UBR2: variants seen among roughly 807,000 people sequenced by gnomAD.
UBR2 encodes the protein E3 ubiquitin-protein ligase UBR2.
In UBR2, 92 loss-of-function variants were observed where a neutral mutation model predicts 247.9. That is an observed-to-expected ratio of 0.37 (90% confidence interval 0.31 to 0.44). The LOEUF is 0.44. Among genes scored for constraint, UBR2 ranks in the 20% least tolerant of loss-of-function variants. The pLI, the probability that UBR2 is intolerant of heterozygous loss-of-function variation, is 1.00. For synonymous variants in UBR2, 672 were observed against 693.5 expected (o/e 0.97, Z 0.49); for missense variants, 1,613 against 2,112.6 (o/e 0.76, Z 4.64).
chr6:42,568,716 C>T (rs1229075309), intron 1 of UBR2, among the ~76,000 whole-genome samples: 2 of 151,668 alleles, frequency 1.3e-5, no homozygotes, highest in East Asian at 1.9e-4. Context: ...GGCAACAGAG[C>T]GAGACTCTGT....
At chr6:42,581,189 T>C (rs1184750341) in intron 2 of UBR2, among the ~76,000 whole-genome samples, 2 of 86,450 alleles carry the variant, frequency 2.3e-5, no homozygotes, top group Non-Finnish European at 4.4e-5. Flanking sequence ...ATTTTCTTTT[T>C]CCTTTTTTTT....
rs1260202268 is a variant in UBR2, at chr6:42,637,084, G to A, written c.1748G>A (p.Gly583Asp). The A allele has an allele frequency of 6.2e-7, 1 of 1,613,934 alleles. No homozygotes were observed. Among genetic ancestry groups the A allele is most frequent in the African/African-American group, 1.3e-5 (1 of 74,898 alleles). Residue 583 changes from glycine to aspartate, a missense_variant, in exon 15 of 47, where the codon GGT becomes GAT. Transcript: ENST00000372901. ...LMQCHGGYTDGEQPITLSICG... is the reference protein window; with the variant it reads ...LMQCHGGYTDDEQPITLSICG... ...CAGTGTCATGGTGGTTATACTGATGGTGAACAGCCAATCACACTAAGCATT... is the reference window on the plus strand; with the variant it reads ...CAGTGTCATGGTGGTTATACTGATGATGAACAGCCAATCACACTAAGCATT...
chr6:42,685,956 T>G (rs1052593036), intron 44 of UBR2, among the ~76,000 whole-genome samples: 19 of 152,232 alleles, frequency 1.2e-4, no homozygotes, highest in Admixed American at 2.0e-4. Context: ...CTCTTCTCTG[T>G]TGCCTCTTTC....
chr6:42,616,143 A>G (rs1794532723), intron 10 of UBR2, 53 bp downstream of exon 10: 3 of 1,263,614 alleles, frequency 2.4e-6, no homozygotes, highest in African/African-American at 1.5e-5. Flanking sequence ...AACTATGCCC[A>G]TAATTATATC....
At chr6:42,632,069 AAT>A (rs1554254886) in intron 11 of UBR2, among the ~76,000 whole-genome samples, 3,892 of 113,986 alleles carry the variant, frequency 0.034, 124 homozygotes, top group Admixed American at 0.095. Flanking sequence ...AAAAAAAAAA[AAT>A]ATATATATAT....
chr6:42,666,914 G>C (rs1431272215), intron 34 of UBR2, among the ~76,000 whole-genome samples: 1 of 152,164 alleles, frequency 6.6e-6, no homozygotes, highest in African/African-American at 2.4e-5. Flanking sequence ...CTTGACCTCT[G>C]TGTACCTCAA....
At chr6:42,630,981 A>AT in intron 11 of UBR2, among the ~76,000 whole-genome samples, 1 of 151,678 alleles carries the variant, frequency 6.6e-6, no homozygotes, top group African/African-American at 2.4e-5. Context: ...TAATTGTTTT[A>AT]TTTTTTATAG....
chr6:42,689,022 G>A lies in UBR2; in HGVS notation c.5025-547G>A, dbSNP rs139715732. Reference sequence around the variant, plus strand: ...AAGGCTTCCTAAGAACATGACTTCTGAGTAAAGACCTAAAGAAGTGGGAGA... The same window carrying A: ...AAGGCTTCCTAAGAACATGACTTCTAAGTAAAGACCTAAAGAAGTGGGAGA... On this transcript the variant is annotated intron_variant, in intron 45 of 46. Coordinates refer to ENST00000372901, the MANE Select transcript of UBR2 (RefSeq NM_001363705.2). The surrounding 1 kb of genome is among the most constrained non-coding windows in gnomAD (Gnocchi z 4.0). Among the ~76,000 whole-genome samples, 936 of 152,310 alleles carry A rather than the reference G, an allele frequency of 6.1e-3. 13 individuals carry two copies. Among genetic ancestry groups the A allele is most frequent in the African/African-American group, 0.021 (890 of 41,566 alleles).
chr6:42,690,929 C>T (rs1466734013), intron 46 of UBR2, 103 bp from the exon 47 acceptor site: 3 of 1,461,688 alleles, frequency 2.1e-6, no homozygotes, highest in African/African-American at 1.4e-5. Context: ...TGCAGGGAGT[C>T]TAAAACCAAT....
chr6:42,683,169 A>G (rs1799155691), intron 43 of UBR2, 58 bp downstream of exon 43: 4 of 1,410,312 alleles, frequency 2.8e-6, no homozygotes, highest in Admixed American at 3.6e-5. Flanking sequence ...GAATCAGGAT[A>G]TAAGTGCTAT....
chr6:42,629,669 A>T (rs1317981787), intron 11 of UBR2, among the ~76,000 whole-genome samples: 2 of 152,106 alleles, frequency 1.3e-5, no homozygotes, highest in Admixed American at 1.3e-4. Flanking sequence ...AAAAATATAT[A>T]TAATTTTTTA....
intron 34 of UBR2, among the ~76,000 whole-genome samples, chr6:42,668,118 C>T (rs1336218652): frequency 6.6e-6 from 1 of 152,198 alleles, no homozygotes; most frequent in East Asian, 1.9e-4. Context: ...CTAGGTCCCT[C>T]CTTCCCCTAC....
intron 21 of UBR2, among the ~76,000 whole-genome samples, chr6:42,646,820 TAGAGAGAG>T (rs765967046): frequency 2.7e-4 from 40 of 146,628 alleles, no homozygotes; most frequent in African/African-American, 9.2e-4. Context: ...TATATATATA[TAGAGAGAG>T]AGAGAGAGAG....
rs1562345029 is a variant in UBR2 at position 42,640,392 on chromosome 6, GTGTGTGTGTGT to G, written c.1920+123_1920+133del. 5.7e-3 allele frequency: 309 copies of G among 53,756 alleles called. 4 individuals are homozygous for G. In the East Asian group the frequency reaches 0.32, roughly 55 times the overall value. 3.3% of individuals were successfully genotyped at this position (53,756 alleles called of 1,614,324 possible). On this transcript the variant is annotated intron_variant, in intron 16 of 46. Transcript: ENST00000372901. ...GGAACAGAACCAGTAAGGTGTGTGTGTGTGTGTGTGTGTGTGTGTGTGTGTGTGTGTGTGTG... is the reference window on the plus strand; with the variant it reads ...GGAACAGAACCAGTAAGGTGTGTGTGGTGTGTGTGTGTGTGTGTGTGTGTG...
At position 42,658,226 on chromosome 6, in the gene UBR2, T is replaced by C; in HGVS notation, c.2983-14T>C. 1 of 1,344,402 alleles carries C rather than the reference T, an allele frequency of 7.4e-7. No individual in the cohort carries two copies. Among genetic ancestry groups the C allele is most frequent in the Non-Finnish European group, 1.0e-6 (1 of 976,094 alleles). The allele number at this position is 1,344,402 out of a possible 1,614,324, so 83.3% of individuals were successfully genotyped here. A position where few individuals can be genotyped will look rare whatever the true frequency, so the allele number is the denominator to read the frequency against. ...CATATTTCATACAGGATACTGATACTTTTTTTTTTGTAGACTTTTAATGCT... is the reference window on the plus strand; with the variant it reads ...CATATTTCATACAGGATACTGATACCTTTTTTTTTGTAGACTTTTAATGCT... On this transcript the variant is annotated splice_polypyrimidine_tract_variant and intron_variant, in intron 27 of 46. Transcript: ENST00000372901.
intron 40 of UBR2, 38 bp downstream of exon 40, chr6:42,676,911 T>C (rs1296639171): frequency 1.4e-6 from 2 of 1,471,532 alleles, no homozygotes; most frequent in East Asian, 2.3e-5. Flanking sequence ...TTTCCCTAAA[T>C]ATTGCTAGAT....
In UBR2 at chr6:42,674,157, T is replaced by C; in HGVS notation, c.4215T>C (p.Leu1405=). The C allele has an allele frequency of 6.2e-7, 1 of 1,613,992 alleles. No homozygotes were observed. The highest frequency in any genetic ancestry group is 8.5e-7 in the Non-Finnish European group (1 of 1,179,990). The change falls in exon 38 of 47, where the codon CTT becomes CTC. Residue 1405 remains leucine (L), a synonymous_variant. Coordinates refer to ENST00000372901, the MANE Select transcript of UBR2 (RefSeq NM_001363705.2). ...SLVPNDSHEE[L]PCILDIDMFH... is the part of the protein sequence containing the mutation. The stretch of plus-strand genomic sequence containing the variant: ...TGCCTAATGACAGCCATGAGGAACT[T>C]CCATGCATATTAGATATTGACATGT...
chr6:42,614,399 C>A (rs969628671), intron 8 of UBR2, among the ~76,000 whole-genome samples: 2 of 72,036 alleles, frequency 2.8e-5, no homozygotes, highest in South Asian at 4.5e-4. Context: ...TACGTACATA[C>A]ATACGTATGT....
At chr6:42,687,506 G>C (rs959083880) in intron 44 of UBR2, among the ~76,000 whole-genome samples, 1 of 151,742 alleles carries the variant, frequency 6.6e-6, no homozygotes, top group Non-Finnish European at 1.5e-5. Flanking sequence ...GAGGGAGAGG[G>C]AGAGCTGTAT....
Sources: allele counts gnomAD v4.1 joint callset (sites outside exome capture counted in the v4.1 genomes callset), GRCh38; gene constraint gnomAD v4.1.1; non-coding constraint Gnocchi (gnomAD v3.1); transcripts MANE v1.5; gene names NCBI Gene and HGNC (gene_info 2026-07-23, HGNC 2026-07-21).